ARHGEF38: variants seen among roughly 807,000 people sequenced by gnomAD.
ARHGEF38 encodes Rho guanine nucleotide exchange factor 38.
A neutral mutation model predicts 79.9 loss-of-function variants in ARHGEF38; 79 were observed. The ratio of observed to expected loss-of-function variants is 0.99; its 90% confidence interval spans 0.82 to 1.19. The LOEUF is 1.19. ARHGEF38 is among the 50% of genes most tolerant of loss of function. ARHGEF38 has a pLI of 0.00. For synonymous variants in ARHGEF38, 366 were observed against 328.3 expected (o/e 1.11, Z -1.24); for missense variants, 962 against 907.2 (o/e 1.06, Z -0.78).
intron 2 of ARHGEF38, among the ~76,000 whole-genome samples, chr4:105,606,448 G>A (rs1029437125): frequency 1.3e-5 from 2 of 152,042 alleles, no homozygotes; most frequent in African/African-American, 4.8e-5. Context: ...GTTCCAAATT[G>A]AGGTCAGAAC....
intron 3 of ARHGEF38, among the ~76,000 whole-genome samples, chr4:105,616,902 C>A (rs758950410): frequency 9.9e-5 from 15 of 152,198 alleles, no homozygotes; most frequent in Non-Finnish European, 2.9e-5. Context: ...TCACTGCATG[C>A]AGCATGGCTT....
chr4:105,597,631 C>T (rs1727639881), intron 2 of ARHGEF38, among the ~76,000 whole-genome samples: 1 of 152,184 alleles, frequency 6.6e-6, no homozygotes, highest in Non-Finnish European at 1.5e-5. Flanking sequence ...TTGCCCTGAA[C>T]TCAGTGGAGT....
At chr4:105,682,114 G>C (rs1231547049), downstream of ARHGEF38, among the ~76,000 whole-genome samples, 1 of 151,978 alleles carries the variant, frequency 6.6e-6, no homozygotes, top group African/African-American at 2.4e-5. Context: ...TTAAGCACCA[G>C]GAGAGTTCAC....
At chr4:105,672,031 G>A (rs901168726) in intron 13 of ARHGEF38, among the ~76,000 whole-genome samples, 9 of 151,956 alleles carry the variant, frequency 5.9e-5, no homozygotes, top group Non-Finnish European at 1.3e-4. Flanking sequence ...GGTATCTTTG[G>A]GTCTCTAAAG....
At chr4:105,663,927 A>G (rs1730654265) in intron 10 of ARHGEF38, among the ~76,000 whole-genome samples, 1 of 151,440 alleles carries the variant, frequency 6.6e-6, no homozygotes, top group Non-Finnish European at 1.5e-5. Flanking sequence ...CTGAGATTGC[A>G]CTATTGCACT....
At chr4:105,630,285 T>C (rs944472861) in intron 3 of ARHGEF38, among the ~76,000 whole-genome samples, 3 of 151,360 alleles carry the variant, frequency 2.0e-5, no homozygotes, top group African/African-American at 7.3e-5. Context: ...TCTTGCTCTG[T>C]CACCCAGGCT....
intron 1 of ARHGEF38, among the ~76,000 whole-genome samples, chr4:105,564,413 G>T (rs565350371): frequency 6.6e-6 from 1 of 152,084 alleles, no homozygotes; most frequent in African/African-American, 2.4e-5. Context: ...AAGGACAAAC[G>T]CTATATGATT....
At chr4:105,584,774 A>T (rs1243296195) in intron 1 of ARHGEF38, among the ~76,000 whole-genome samples, 4 of 152,226 alleles carry the variant, frequency 2.6e-5, no homozygotes, top group African/African-American at 9.6e-5. Flanking sequence ...AATCCACCCC[A>T]AAATGGCAGT....
intron 2 of ARHGEF38, among the ~76,000 whole-genome samples, chr4:105,600,552 T>A (rs557068947): frequency 5.3e-5 from 8 of 152,336 alleles, no homozygotes; most frequent in African/African-American, 1.7e-4. Context: ...CCACATTAGC[T>A]CTGTTGCAAA....
intron 5 of ARHGEF38, among the ~76,000 whole-genome samples, chr4:105,641,468 A>G (rs1284655657): frequency 1.3e-5 from 2 of 152,024 alleles, no homozygotes; most frequent in African/African-American, 4.8e-5. Context: ...ATTTATGACA[A>G]ATGCTGTTTA....
At chr4:105,641,018 T>C (rs572758899) in intron 5 of ARHGEF38, among the ~76,000 whole-genome samples, 1 of 152,274 alleles carries the variant, frequency 6.6e-6, no homozygotes, top group Admixed American at 6.5e-5. Context: ...AATTCCTGTC[T>C]TTTTCTTGAA....
chr4:105,615,869 T>C (rs759003601), intron 3 of ARHGEF38, among the ~76,000 whole-genome samples: 6 of 152,180 alleles, frequency 3.9e-5, no homozygotes, highest in South Asian at 2.1e-4. Context: ...GATTAAATGA[T>C]GCTGTTTGGA....
At chr4:105,661,513 A>G (rs377058754) in intron 10 of ARHGEF38, among the ~76,000 whole-genome samples, 4 of 139,524 alleles carry the variant, frequency 2.9e-5, no homozygotes, top group Non-Finnish European at 6.2e-5. Flanking sequence ...TATTATTATT[A>G]TTATTGTTAT....
chr4:105,574,635 A>G (rs1400045900), intron 1 of ARHGEF38, among the ~76,000 whole-genome samples: 1 of 151,370 alleles, frequency 6.6e-6, no homozygotes, highest in Admixed American at 6.6e-5. Context: ...GTCTTTCACC[A>G]TTAAGTATGA....
chr4:105,554,786 T>G (rs1725176379), intron 1 of ARHGEF38, among the ~76,000 whole-genome samples: 2 of 152,104 alleles, frequency 1.3e-5, no homozygotes, highest in African/African-American at 4.8e-5. Flanking sequence ...CTGATAAATT[T>G]TAGGAATAAT....
chr4:105,632,342 AG>A (rs1456379121), intron 4 of ARHGEF38, among the ~76,000 whole-genome samples: 1 of 152,202 alleles, frequency 6.6e-6, no homozygotes, highest in Non-Finnish European at 1.5e-5. Flanking sequence ...AGTATACAAA[AG>A]TAAATAAGAC....
intron 1 of ARHGEF38, among the ~76,000 whole-genome samples, chr4:105,576,834 A>T (rs1252442932): frequency 6.6e-6 from 1 of 152,042 alleles, no homozygotes; most frequent in Non-Finnish European, 1.5e-5. Flanking sequence ...GGGATGCTGA[A>T]TTTTATTGAG....
intron 2 of ARHGEF38, among the ~76,000 whole-genome samples, chr4:105,594,183 T>C (rs1727469413): frequency 6.6e-6 from 1 of 152,194 alleles, no homozygotes; most frequent in Non-Finnish European, 1.5e-5. Context: ...AACCTTTGAT[T>C]AAGTAAATAA....
At chr4:105,624,844 A>C (rs1728877787) in intron 3 of ARHGEF38, among the ~76,000 whole-genome samples, 1 of 152,160 alleles carries the variant, frequency 6.6e-6, no homozygotes, top group Non-Finnish European at 1.5e-5. Flanking sequence ...AAGCTCTTTC[A>C]CTGGAGATGG....
Sources: allele counts gnomAD v4.1 joint callset (sites outside exome capture counted in the v4.1 genomes callset), GRCh38; gene constraint gnomAD v4.1.1; transcripts MANE v1.5; gene names NCBI Gene and HGNC (gene_info 2026-07-23, HGNC 2026-07-21).